The following PCDHGA3 variants were observed in gnomAD, a reference collection of about 807,000 sequenced individuals.
PCDHGA3 encodes protocadherin gamma subfamily A, 3, also known as protocadherin gamma-A3.
A neutral mutation model predicts 58.5 loss-of-function variants in PCDHGA3; 40 were observed. That is an observed-to-expected ratio of 0.68 (90% confidence interval 0.53 to 0.89). The LOEUF (loss-of-function observed/expected upper bound fraction) is 0.89, where lower values mean the gene tolerates loss of function less well. Ranked by LOEUF, PCDHGA3 falls within the 40% of genes least tolerant of loss-of-function variation. PCDHGA3 has a pLI of 0.00. For missense variants in PCDHGA3, 1,223 were observed against 1,195.9 expected (o/e 1.02, Z -0.33); for synonymous variants, 530 against 525.7 (o/e 1.01, Z -0.11).
intron 1 of PCDHGA3, among the ~76,000 whole-genome samples, chr5:141,483,638 G>A (rs1159840764): frequency 1.4e-5 from 2 of 147,222 alleles, no homozygotes; most frequent in South Asian, 2.1e-4. Flanking sequence ...AGGTATAGAG[G>A]GGTGTGTGTT....
At chr5:141,488,159 C>T (rs888153570) in intron 1 of PCDHGA3, among the ~76,000 whole-genome samples, 1 of 152,126 alleles carries the variant, frequency 6.6e-6, no homozygotes, top group Non-Finnish European at 1.5e-5. Flanking sequence ...GAGAGGCACG[C>T]ATCAGAGTGG....
chr5:141,353,771 T>C, intron 1 of PCDHGA3, among the ~76,000 whole-genome samples: 1 of 152,240 alleles, frequency 6.6e-6, no homozygotes, highest in South Asian at 2.1e-4. Flanking sequence ...TTTTAATGCA[T>C]ACTGTCAAAT....
intron 1 of PCDHGA3, chr5:141,390,100 C>A (rs2092045935): frequency 1.2e-6 from 2 of 1,614,060 alleles, no homozygotes; most frequent in Non-Finnish European, 1.7e-6. Context: ...GTGGTTCCCC[C>A]CAACTACAGC....
intron 1 of PCDHGA3, chr5:141,370,488 C>T (rs758506114): frequency 1.2e-6 from 2 of 1,613,906 alleles, no homozygotes; most frequent in Admixed American, 3.3e-5. Flanking sequence ...TCTCTCCGAA[C>T]CGATCCGCTA....
chr5:141,394,076 A>C (rs1329419086), intron 1 of PCDHGA3: 1 of 1,613,896 alleles, frequency 6.2e-7, no homozygotes, highest in Admixed American at 1.7e-5. Flanking sequence ...ACAATATCAC[A>C]GTGATGGCCT....
In PCDHGA3 at chr5:141,476,149, A is replaced by T. The variant is rs1042362185; in HGVS notation, c.2425-18658A>T. The stretch of plus-strand genomic sequence containing the variant: ...CAGAGGCCTGGAGGAGCGGACTGGT[A>T]AGCACCGGGAGGGTAGTGGGAGTTT... On this transcript the variant is annotated intron_variant, in intron 1 of 3. Transcript: ENST00000253812. This position sits in a 1 kb window ranked among gnomAD's most constrained non-coding sequence, Gnocchi z 7.6. 4 of 1,611,688 alleles carry T rather than the reference A, an allele frequency of 2.5e-6. No individual in the cohort carries two copies. In the African/African-American group the frequency reaches 5.3e-5, roughly 22 times the overall value.
intron 1 of PCDHGA3, chr5:141,371,082 G>A (rs1767471058): frequency 1.9e-6 from 3 of 1,613,856 alleles, no homozygotes; most frequent in Non-Finnish European, 1.7e-6. Flanking sequence ...CCAGATCAGG[G>A]TAATTGTCGC....
In PCDHGA3 at chr5:141,409,417, G is replaced by A. The variant is rs774453166; in HGVS notation, c.2424+62960G>A. ...CTTCCAATAACTACTACAAACTGGT[G>A]ACAGATGGAGCCCTGGACCGAGAGC... On this transcript the variant is annotated intron_variant, in intron 1 of 3. Transcript: ENST00000253812. The A allele has an allele frequency of 5.6e-6, 9 of 1,613,880 alleles. No individual in the cohort carries two copies. The South Asian group carries it at 8.8e-5, about 16-fold the overall frequency.
intron 3 of PCDHGA3, among the ~76,000 whole-genome samples, chr5:141,509,841 C>T (rs546036990): frequency 2.0e-5 from 3 of 152,326 alleles, no homozygotes; most frequent in African/African-American, 7.2e-5. Context: ...ACCTCCCATT[C>T]ACTCAGAACA....
At chr5:141,349,264 T>A (rs1758263759) in intron 1 of PCDHGA3, among the ~76,000 whole-genome samples, 1 of 152,124 alleles carries the variant, frequency 6.6e-6, no homozygotes, top group South Asian at 2.1e-4. Flanking sequence ...AGAGATGGCT[T>A]GCACCATGTT....
intron 1 of PCDHGA3, chr5:141,404,714 G>T (rs776337117): frequency 6.2e-7 from 1 of 1,614,068 alleles, no homozygotes; most frequent in Non-Finnish European, 8.5e-7. Context: ...TGGCTACCTG[G>T]TGACCAAGGT....
Position 141,431,583 on chromosome 5 carries a change from C to A in PCDHGA3, c.2425-63224C>A, listed in dbSNP as rs771534481. On this transcript the variant is annotated intron_variant, in intron 1 of 3. Transcript: ENST00000253812. The surrounding 1 kb of genome is among the most constrained non-coding windows in gnomAD (Gnocchi z 4.8). ...ACCGACCCTGACGAAGGAGTCAATGCGGAAGTGAGGTATTCCTTCCGGTAT... is the reference window on the plus strand; with the variant it reads ...ACCGACCCTGACGAAGGAGTCAATGAGGAAGTGAGGTATTCCTTCCGGTAT... The A allele has an allele frequency of 1.1e-5, 18 of 1,614,008 alleles. No individual in the cohort carries two copies. In the South Asian group the frequency reaches 1.2e-4, roughly 11 times the overall value.
intron 1 of PCDHGA3, chr5:141,419,183 A>G (rs1453963573): frequency 1.9e-6 from 3 of 1,613,958 alleles, no homozygotes; most frequent in Non-Finnish European, 1.7e-6. Context: ...AACCCTGCAC[A>G]TTACTGACGT....
intron 1 of PCDHGA3, chr5:141,372,230 C>A (rs781407090): frequency 6.2e-7 from 1 of 1,613,346 alleles, no homozygotes; most frequent in Non-Finnish European, 8.5e-7. Context: ...TGCAGGCCAG[C>A]GAGCCCGGGC....
At chr5:141,381,974 C>T (rs1049134937) in intron 1 of PCDHGA3, among the ~76,000 whole-genome samples, 18 of 151,606 alleles carry the variant, frequency 1.2e-4, no homozygotes, top group Admixed American at 5.9e-4. Flanking sequence ...GGATTACAGG[C>T]GCGCGCCACC....
chr5:141,344,067 G>A lies in PCDHGA3; in HGVS notation c.34G>A (p.Gly12Arg). ...TTGCCTGAGTTTCCGAAATGGCAGA[G>A]GACTGGCCCTGCTGTGCGCGCTCCT... ...TNCLSFRNGR[G>R]LALLCALLGT... Residue 12 changes from glycine to arginine, a missense_variant, in exon 1 of 4, where the codon GGA becomes AGA. Coordinates refer to ENST00000253812, the MANE Select transcript of PCDHGA3 (RefSeq NM_018916.4). 6.3e-7 allele frequency: 1 copy of A among 1,598,818 alleles called. No individual in the cohort carries two copies. Among genetic ancestry groups the A allele is most frequent in the Non-Finnish European group, 8.5e-7 (1 of 1,171,348 alleles).
chr5:141,450,663 T>C (rs957466690), intron 1 of PCDHGA3, among the ~76,000 whole-genome samples: 1 of 151,652 alleles, frequency 6.6e-6, no homozygotes, highest in Non-Finnish European at 1.5e-5. Flanking sequence ...ATTTTTGTAC[T>C]TTTAGTAGAA....
chr5:141,352,815 C>T, intron 1 of PCDHGA3: 2 of 818,646 alleles, frequency 2.4e-6, no homozygotes, highest in East Asian at 2.7e-5. Flanking sequence ...GATGGTAAAA[C>T]CCGGTCTACT....
At chr5:141,383,101 T>C (rs1561594429) in intron 1 of PCDHGA3, 2 of 1,613,954 alleles carry the variant, frequency 1.2e-6, no homozygotes, top group Non-Finnish European at 8.5e-7. Flanking sequence ...CCGCATCATC[T>C]CCAGAGGTAG....
Sources: allele counts gnomAD v4.1 joint callset (sites outside exome capture counted in the v4.1 genomes callset), GRCh38; gene constraint gnomAD v4.1.1; non-coding constraint Gnocchi (gnomAD v3.1); transcripts MANE v1.5; gene names NCBI Gene and HGNC (gene_info 2026-07-23, HGNC 2026-07-21).